EDEM3: variants seen among roughly 807,000 people sequenced by gnomAD.
The protein encoded by EDEM3 is ER degradation enhancing alpha-mannosidase like protein 3.
A neutral mutation model predicts 110.2 loss-of-function variants in EDEM3; 60 were observed. The ratio of observed to expected loss-of-function variants is 0.54; its 90% CI spans 0.44 to 0.67. EDEM3 has a LOEUF of 0.67. EDEM3 is among the 30% of genes least tolerant of loss of function. The probability of loss-of-function intolerance (pLI) is 0.00; values close to 1 mark genes in which losing one functional copy is unlikely to be tolerated. For missense variants in EDEM3, 996 were observed against 1,121.0 expected (o/e 0.89, Z 1.59); for synonymous variants, 352 against 382.9 (o/e 0.92, Z 0.94).
intron 13 of EDEM3, among the ~76,000 whole-genome samples, chr1:184,714,374 A>G (rs747536362): frequency 3.9e-5 from 6 of 152,232 alleles, no homozygotes; most frequent in Non-Finnish European, 5.9e-5. Context: ...TTACGCAGTT[A>G]GGGGACAGTG....
chr1:184,712,599 C>T lies in EDEM3; in HGVS notation c.1371-1G>A. The T allele has an allele frequency of 6.6e-7, 1 of 1,514,148 alleles. No individual in the cohort carries two copies. The highest frequency in any genetic ancestry group is 8.9e-7 in the Non-Finnish European group (1 of 1,120,660). 93.8% of individuals were successfully genotyped at this position (1,514,148 alleles called of 1,614,324 possible). On this transcript the variant is annotated splice_acceptor_variant, in intron 13 of 19. Coordinates refer to ENST00000318130, the MANE Select transcript of EDEM3 (RefSeq NM_025191.4). LOFTEE classifies it high-confidence loss of function. ...TTCAGCCAAGAAGAAAGAATCCATT[C>T]TAAAATAAAAAGTCACAAATAAATA... is the stretch of plus-strand genomic sequence containing the variant.
chr1:184,696,723 A>C (rs1161649639), intron 19 of EDEM3, among the ~76,000 whole-genome samples: 1 of 152,044 alleles, frequency 6.6e-6, no homozygotes, highest in Non-Finnish European at 1.5e-5. Flanking sequence ...CTGGCTACTT[A>C]CAGCTTATTT....
intron 19 of EDEM3, among the ~76,000 whole-genome samples, chr1:184,699,279 T>C (rs1018177078): frequency 6.6e-6 from 1 of 151,810 alleles, no homozygotes; most frequent in Non-Finnish European, 1.5e-5. Context: ...TTAACTATCA[T>C]AGTAGAACTG....
At chr1:184,706,850 A>C (rs759823259) in intron 17 of EDEM3, 42 bp from the exon 18 acceptor site, 2 of 1,591,290 alleles carry the variant, frequency 1.3e-6, no homozygotes, top group Non-Finnish European at 1.7e-6. Flanking sequence ...AATCTTCTCA[A>C]ATGGCAATCA....
At chr1:184,714,176 T>C (rs1288979829) in intron 13 of EDEM3, among the ~76,000 whole-genome samples, 1 of 152,152 alleles carries the variant, frequency 6.6e-6, no homozygotes, top group Non-Finnish European at 1.5e-5. Flanking sequence ...GAATAGACAA[T>C]TTGTAAACAT....
At chr1:184,746,260 T>C (rs1400438428) in intron 2 of EDEM3, among the ~76,000 whole-genome samples, 1 of 152,216 alleles carries the variant, frequency 6.6e-6, no homozygotes, top group East Asian at 1.9e-4. Context: ...TATTAAGAAA[T>C]AGCATTAATA....
At chr1:184,719,106 G>A (rs1048651712) in intron 11 of EDEM3, 56 bp downstream of exon 11, 8 of 935,322 alleles carry the variant, frequency 8.6e-6, no homozygotes, top group Middle Eastern at 2.3e-4. Flanking sequence ...ATGTGTACGT[G>A]TGTGTGTGTG....
intron 8 of EDEM3, among the ~76,000 whole-genome samples, chr1:184,722,585 T>C (rs1441176593): frequency 6.6e-6 from 1 of 151,990 alleles, no homozygotes; most frequent in African/African-American, 2.4e-5. Flanking sequence ...GCTTCCTCAG[T>C]ATCACCCTGA....
At chr1:184,748,902 G>A (rs1004159728) in intron 2 of EDEM3, among the ~76,000 whole-genome samples, 3 of 152,192 alleles carry the variant, frequency 2.0e-5, no homozygotes, top group Non-Finnish European at 4.4e-5. Flanking sequence ...TAAGTTTCAG[G>A]ATAATATGCT....
chr1:184,717,445 G>A (rs1320289247), intron 12 of EDEM3, 95 bp downstream of exon 12: 1 of 870,832 alleles, frequency 1.1e-6, no homozygotes, highest in African/African-American at 1.8e-5. Context: ...ATATTAAAAG[G>A]GGACTCTGAA....
chr1:184,733,049 T>C (rs1651616584), intron 5 of EDEM3, 59 bp from the exon 6 acceptor site: 13 of 1,514,220 alleles, frequency 8.6e-6, no homozygotes, highest in Non-Finnish European at 1.2e-5. Context: ...AGTTACCATC[T>C]AAAAAGGTGT....
chr1:184,743,992 A>T (rs958914693), intron 2 of EDEM3, among the ~76,000 whole-genome samples: 1 of 151,744 alleles, frequency 6.6e-6, no homozygotes, highest in Non-Finnish European at 1.5e-5. Flanking sequence ...CTAGGAAAAA[A>T]AAACAAGAAA....
At chr1:184,721,268 T>TATAA in intron 9 of EDEM3, 21 bp downstream of exon 9, 1 of 1,564,166 alleles carries the variant, frequency 6.4e-7, no homozygotes, top group African/African-American at 1.4e-5. Context: ...GATTATAAAA[T>TATAA]ATAAAATTGT....
intron 4 of EDEM3, among the ~76,000 whole-genome samples, chr1:184,736,399 C>A (rs886416948): frequency 6.6e-6 from 1 of 151,976 alleles, no homozygotes; most frequent in Admixed American, 6.6e-5. Context: ...GAGAATTATG[C>A]CTTAAGGAAA....
intron 2 of EDEM3, among the ~76,000 whole-genome samples, chr1:184,743,164 G>T (rs1001744996): frequency 2.7e-4 from 41 of 152,116 alleles, no homozygotes; most frequent in African/African-American, 9.2e-4. Context: ...TTTGTTTCAA[G>T]ATTAAGAATA....
intron 16 of EDEM3, among the ~76,000 whole-genome samples, chr1:184,710,159 A>C (rs1482186144): frequency 6.6e-6 from 1 of 152,216 alleles, no homozygotes; most frequent in Non-Finnish European, 1.5e-5. Context: ...ATTTGATTAT[A>C]TTAACTTCAG....
chr1:184,751,654 T>A (rs1428000992), intron 1 of EDEM3, among the ~76,000 whole-genome samples: 4 of 152,096 alleles, frequency 2.6e-5, no homozygotes, highest in Admixed American at 6.5e-5. Context: ...GAAAAAAAAA[T>A]TTCCATAATG....
At chr1:184,710,349 A>G (rs759002316) in intron 16 of EDEM3, 45 bp downstream of exon 16, 1 of 1,587,634 alleles carries the variant, frequency 6.3e-7, no homozygotes, top group Non-Finnish European at 8.6e-7. Context: ...GCGACCAAAG[A>G]AAGCAGGGCA....
intron 1 of EDEM3, among the ~76,000 whole-genome samples, chr1:184,753,780 C>T (rs1652911459): frequency 6.6e-6 from 1 of 152,172 alleles, no homozygotes; most frequent in African/African-American, 2.4e-5. Context: ...ACCGTTCATG[C>T]CTTTCTCCCA....
Sources: gnomAD v4.1 joint callset for allele counts (sites outside exome capture counted in the v4.1 genomes callset) on GRCh38, gnomAD v4.1.1 for gene constraint, MANE v1.5 for transcripts, NCBI Gene and HGNC (gene_info 2026-07-23, HGNC 2026-07-21) for gene names.